Variants in DOCK2 observed in about 807,000 individuals in gnomAD.
The protein encoded by DOCK2 is dedicator of cytokinesis protein 2.
In DOCK2, 87 loss-of-function variants were observed where a neutral mutation model predicts 248.9. The ratio of observed to expected loss-of-function variants is 0.35; its 90% CI spans 0.29 to 0.42. The LOEUF (loss-of-function observed/expected upper bound fraction) is 0.42, where lower values mean the gene tolerates loss of function less well. Among genes scored for constraint, DOCK2 ranks in the 10% least tolerant of loss-of-function variants. DOCK2 has a pLI of 1.00. For missense variants in DOCK2, 1,747 were observed against 2,300.2 expected (o/e 0.76, Z 4.92); for synonymous variants, 805 against 821.6 (o/e 0.98, Z 0.35).
At chr5:169,858,347 G>A (rs1771004687) in intron 27 of DOCK2, among the ~76,000 whole-genome samples, 8 of 152,176 alleles carry the variant, frequency 5.3e-5, no homozygotes, top group Admixed American at 5.2e-4. Flanking sequence ...CTGAGTTGGT[G>A]GTAGCCATGG....
At chr5:169,795,782 C>A (rs1447744503) in intron 25 of DOCK2, among the ~76,000 whole-genome samples, 1 of 152,150 alleles carries the variant, frequency 6.6e-6, no homozygotes, top group Non-Finnish European at 1.5e-5. Flanking sequence ...AGCAGCCTGG[C>A]AGAGCAGAGC....
chr5:170,062,923 T>G (rs553633593), intron 44 of DOCK2, among the ~76,000 whole-genome samples: 1 of 152,302 alleles, frequency 6.6e-6, no homozygotes, highest in African/African-American at 2.4e-5. Context: ...ATTAACCCAC[T>G]GGCAGCCTGA....
intron 17 of DOCK2, among the ~76,000 whole-genome samples, chr5:169,713,091 T>A (rs1761676277): frequency 6.6e-6 from 1 of 152,266 alleles, no homozygotes; most frequent in Non-Finnish European, 1.5e-5. Context: ...ACTCTTGTAC[T>A]CTTCTCTGAG....
rs1349726629 is a variant in DOCK2, at chr5:169,674,465, C to T, written c.470+20C>T. ...CAACAAGTAACCTCTCTTTCCTCTG[C>T]AAAGAGGTTTTCTTCCCCCAGCCAT... On this transcript the variant is annotated intron_variant, in intron 6 of 51. Coordinates refer to ENST00000520908, the MANE Select transcript of DOCK2 (RefSeq NM_004946.3). 2.5e-6 allele frequency: 4 copies of T among 1,612,544 alleles called. No homozygotes were observed. Among genetic ancestry groups the T allele is most frequent in the Non-Finnish European group, 3.4e-6 (4 of 1,179,050 alleles).
At chr5:169,795,548 G>T (rs2113090579) in intron 25 of DOCK2, among the ~76,000 whole-genome samples, 1 of 152,296 alleles carries the variant, frequency 6.6e-6, no homozygotes, top group Admixed American at 6.5e-5. Context: ...GTTGTAAAAG[G>T]CTTGTAACCT....
At chr5:170,073,875 T>C (rs751133661) in intron 46 of DOCK2, among the ~76,000 whole-genome samples, 3 of 152,176 alleles carry the variant, frequency 2.0e-5, no homozygotes, top group Non-Finnish European at 4.4e-5. Context: ...TTGTATCTTT[T>C]CAAAGAAACA....
In DOCK2 at chr5:169,764,923, A is replaced by G. The variant is rs571780448; in HGVS notation, c.2554+3298A>G. ...TTTTTGTAAAGGGGCCATGTTACAT[A>G]TGCCTGGAAGAAGTAGAGGTCAAGG... On this transcript the variant is annotated intron_variant, in intron 25 of 51. Transcript: ENST00000520908. The surrounding 1 kb of genome is among the most constrained non-coding windows in gnomAD (Gnocchi z 4.3). Among the ~76,000 whole-genome samples the G allele has an allele frequency of 1.3e-5, 2 of 152,178 alleles. No homozygotes were observed. Among genetic ancestry groups the G allele is most frequent in the African/African-American group, 4.8e-5 (2 of 41,494 alleles).
rs909017370 is a variant in DOCK2 at position 169,741,967 on chromosome 5, G to C, written c.2268-5429G>C. On this transcript the variant is annotated intron_variant, in intron 22 of 51. Transcript: ENST00000520908. ...TGAGACTACAGGCGCCCACCACCCT[G>C]CCCAGCTAATTTTTTAAATATTTTT... Among the ~76,000 whole-genome samples the C allele has an allele frequency of 4.9e-4, 75 of 151,824 alleles. 1 individual carries two copies. The highest frequency in any genetic ancestry group is 2.9e-5 in the Non-Finnish European group (2 of 67,966).
At chr5:169,694,622 T>C (rs932069289) in intron 9 of DOCK2, among the ~76,000 whole-genome samples, 11 of 152,190 alleles carry the variant, frequency 7.2e-5, no homozygotes, top group Admixed American at 6.5e-4. Context: ...AGAGATTGAA[T>C]ATGGTGATGC....
At chr5:169,891,602 C>A (rs1378655553) in intron 27 of DOCK2, among the ~76,000 whole-genome samples, 1 of 151,926 alleles carries the variant, frequency 6.6e-6, no homozygotes, top group Admixed American at 6.6e-5. Flanking sequence ...TCAAAGCAAA[C>A]CTAAAAACCA....
rs997061704 is a variant in DOCK2 at position 169,835,676 on chromosome 5, T to C, written c.2704-5081T>C. Among the ~76,000 whole-genome samples, 5 of 152,132 alleles carry C rather than the reference T, an allele frequency of 3.3e-5. No homozygotes were observed. The East Asian group carries it at 9.6e-4, about 29-fold the overall frequency. On this transcript the variant is annotated intron_variant, in intron 26 of 51. Coordinates refer to ENST00000520908, the MANE Select transcript of DOCK2 (RefSeq NM_004946.3). ...TGTTCATAAATGCCAAAATAACAAT[T>C]ACAACAGCTTAAAGAGGTACAAAAG...
chr5:169,677,823 C>T (rs1759419846), intron 6 of DOCK2, among the ~76,000 whole-genome samples: 1 of 152,180 alleles, frequency 6.6e-6, no homozygotes, highest in South Asian at 2.1e-4. Flanking sequence ...AACATACAGG[C>T]TCACCCCTCT....
At chr5:169,882,541 A>G (rs1772716361) in intron 27 of DOCK2, 2 of 1,521,014 alleles carry the variant, frequency 1.3e-6, no homozygotes, top group Non-Finnish European at 8.9e-7. Flanking sequence ...TATGAAAAAA[A>G]AATCTCCTTA....
chr5:169,787,116 T>G (rs1026803366), intron 25 of DOCK2, among the ~76,000 whole-genome samples: 2 of 152,192 alleles, frequency 1.3e-5, no homozygotes, highest in Non-Finnish European at 2.9e-5. Flanking sequence ...GTTAAGTGAT[T>G]TCTCCAAGAT....
intron 26 of DOCK2, among the ~76,000 whole-genome samples, chr5:169,834,603 G>T (rs1275035178): frequency 9.0e-6 from 1 of 111,368 alleles, no homozygotes; most frequent in Non-Finnish European, 1.8e-5. Flanking sequence ...CTCAGTCAGT[G>T]CTCTCCAGCT....
chr5:169,697,407 C>T (rs1341688608), intron 10 of DOCK2, among the ~76,000 whole-genome samples: 1 of 152,156 alleles, frequency 6.6e-6, no homozygotes, highest in African/African-American at 2.4e-5. Context: ...AAAGAATGTA[C>T]CTCTTTCCCA....
intron 1 of DOCK2, among the ~76,000 whole-genome samples, chr5:169,643,242 G>T (rs1198484768): frequency 6.6e-6 from 1 of 152,182 alleles, no homozygotes; most frequent in Non-Finnish European, 1.5e-5. Context: ...GTCAGCTTCT[G>T]CTTTGGTTTA....
intron 2 of DOCK2, among the ~76,000 whole-genome samples, chr5:169,659,721 A>G (rs542574843): frequency 9.2e-5 from 14 of 152,296 alleles, no homozygotes; most frequent in African/African-American, 3.1e-4. Context: ...CCCATATTAT[A>G]TCTCTCATGC....
At chr5:169,786,346 C>T (rs761061464) in intron 25 of DOCK2, among the ~76,000 whole-genome samples, 26 of 152,222 alleles carry the variant, frequency 1.7e-4, no homozygotes, top group Non-Finnish European at 3.2e-4. Flanking sequence ...GGGGTGTGTG[C>T]CTTGTAGCTC....
Sources: allele counts gnomAD v4.1 joint callset (sites outside exome capture counted in the v4.1 genomes callset), GRCh38; gene constraint gnomAD v4.1.1; non-coding constraint Gnocchi (gnomAD v3.1); transcripts MANE v1.5; gene names NCBI Gene and HGNC (gene_info 2026-07-23, HGNC 2026-07-21).